Variants in BICD1 observed in about 807,000 individuals in gnomAD.
BICD1 encodes BICD cargo adaptor 1, also known as protein bicaudal D homolog 1.
In BICD1, 35 loss-of-function variants were observed where a neutral mutation model predicts 92.5. The ratio of observed to expected loss-of-function variants is 0.38; its 90% confidence interval spans 0.29 to 0.50. The LOEUF (loss-of-function observed/expected upper bound fraction) is 0.50, where lower values mean the gene tolerates loss of function less well. BICD1 is among the 20% of genes least tolerant of loss of function. The pLI is 0.93. For missense variants in BICD1, 950 were observed against 1,189.8 expected, an observed-to-expected ratio of 0.80 and a Z score of 2.97; for synonymous variants, 429 against 465.1, an observed-to-expected ratio of 0.92 and a Z score of 1.00.
intron 2 of BICD1, among the ~76,000 whole-genome samples, chr12:32,223,440 G>A (rs911156061): frequency 8.6e-5 from 13 of 151,322 alleles, no homozygotes; most frequent in African/African-American, 2.4e-4. Context: ...TCGCTTGAAC[G>A]TGAGAGGCAG....
intron 8 of BICD1, chr12:32,340,465 T>C (rs1309282822): frequency 1.0e-6 from 1 of 985,286 alleles, no homozygotes; most frequent in African/African-American, 1.7e-5. Flanking sequence ...GTCTTCTTTT[T>C]AGTGTTCCAA....
chr12:32,230,663 GAGA>G (rs1489941134), intron 2 of BICD1, among the ~76,000 whole-genome samples: 19 of 152,130 alleles, frequency 1.2e-4, no homozygotes, highest in Admixed American at 1.2e-3. Flanking sequence ...TTAGAGAGGA[GAGA>G]AGGAGAATGC....
intron 1 of BICD1, among the ~76,000 whole-genome samples, chr12:32,186,334 A>G (rs1392857585): frequency 6.6e-6 from 1 of 152,218 alleles, no homozygotes. Flanking sequence ...TATATGAGTG[A>G]AGAACTGATT....
chr12:32,228,845 C>T (rs1945785338), intron 2 of BICD1, among the ~76,000 whole-genome samples: 4 of 151,938 alleles, frequency 2.6e-5, no homozygotes, highest in South Asian at 4.1e-4. Context: ...AGTTCAGTTT[C>T]GAACATGTTA....
chr12:32,342,224 A>G lies in BICD1; in HGVS notation c.2764+3245A>G, dbSNP rs1246496091. ...TGTGTGTATATATATATATATATAT[A>G]TATATATATGTATAGTTTTGGGGGT... On this transcript the variant is annotated intron_variant, in intron 8 of 9. Coordinates refer to ENST00000652176, the MANE Select transcript of BICD1 (RefSeq NM_001714.4). Among the ~76,000 whole-genome samples, 227 of 142,970 alleles carry G rather than the reference A, an allele frequency of 1.6e-3. 2 individuals carry two copies. The East Asian group carries it at 0.022, about 14-fold the overall frequency. The allele number at this position is 142,970 out of a possible 152,430, so 93.8% of individuals were successfully genotyped here.
chr12:32,225,819 G>A (rs1218435341), intron 2 of BICD1, among the ~76,000 whole-genome samples: 2 of 151,432 alleles, frequency 1.3e-5, no homozygotes, highest in Non-Finnish European at 2.9e-5. Context: ...ACGAGGTTTC[G>A]CCATGTTGAC....
intron 2 of BICD1, among the ~76,000 whole-genome samples, chr12:32,221,405 C>G (rs190361346): frequency 6.6e-6 from 1 of 151,062 alleles, no homozygotes. Flanking sequence ...TTTTATAGGC[C>G]GGGCATGGTG....
chr12:32,296,770 G>T (rs1026797515), intron 3 of BICD1, among the ~76,000 whole-genome samples: 4 of 152,118 alleles, frequency 2.6e-5, no homozygotes, highest in Non-Finnish European at 5.9e-5. Context: ...GGACTCAGGA[G>T]GTTAATGAAG....
intron 2 of BICD1, among the ~76,000 whole-genome samples, chr12:32,278,918 T>C (rs1408039237): frequency 1.3e-5 from 2 of 152,164 alleles, no homozygotes; most frequent in Non-Finnish European, 2.9e-5. Context: ...GAGTGAACTT[T>C]AAATGATCAT....
At chr12:32,263,277 G>A (rs561990517) in intron 2 of BICD1, among the ~76,000 whole-genome samples, 4 of 152,172 alleles carry the variant, frequency 2.6e-5, no homozygotes, top group African/African-American at 9.7e-5. Context: ...GGCCAGGCAT[G>A]GTGGCTCACG....
At chr12:32,116,467 T>C (rs1252533639) in intron 1 of BICD1, among the ~76,000 whole-genome samples, 1 of 67,216 alleles carries the variant, frequency 1.5e-5, no homozygotes, top group South Asian at 5.4e-4. Flanking sequence ...TGTCTGTCTC[T>C]CTCTCTCTCT....
intron 1 of BICD1, among the ~76,000 whole-genome samples, chr12:32,197,236 T>C (rs1439124154): frequency 6.6e-6 from 1 of 152,152 alleles, no homozygotes; most frequent in Admixed American, 6.5e-5. Flanking sequence ...CTTGAACTCC[T>C]GACCTCAGGT....
intron 1 of BICD1, among the ~76,000 whole-genome samples, chr12:32,111,207 C>G (rs1941679055): frequency 6.6e-6 from 1 of 152,114 alleles, no homozygotes; most frequent in African/African-American, 2.4e-5. Context: ...TTTTGTCAAC[C>G]CTGACACCAA....
rs1182796155 is a variant in BICD1, at chr12:32,337,878, T to G, written c.2570+62T>G. On this transcript the variant is annotated intron_variant, in intron 7 of 9. Coordinates refer to ENST00000652176, the MANE Select transcript of BICD1 (RefSeq NM_001714.4). This position sits in a 1 kb window ranked among gnomAD's most constrained non-coding sequence, Gnocchi z 4.7. ...GCCAGATTTTAGTTAACTGCAAAAA[T>G]AAATGTGCTCTTGTTGTGGAGGATG... 1.3e-6 allele frequency: 2 copies of G among 1,552,080 alleles called. No individual in the cohort carries two copies. The highest frequency in any genetic ancestry group is 4.5e-5 in the East Asian group (2 of 44,186).
chr12:32,276,150 A>G (rs904226319), intron 2 of BICD1, among the ~76,000 whole-genome samples: 11 of 152,186 alleles, frequency 7.2e-5, no homozygotes, highest in Non-Finnish European at 1.6e-4. Context: ...CCCCAGATGC[A>G]GTCCATGACT....
At chr12:32,231,636 T>C (rs1945891655) in intron 2 of BICD1, among the ~76,000 whole-genome samples, 1 of 151,910 alleles carries the variant, frequency 6.6e-6, no homozygotes, top group Non-Finnish European at 1.5e-5. Flanking sequence ...ATGTGCACAT[T>C]GTGCAGATTA....
At chr12:32,111,636 C>T (rs1484942632) in intron 1 of BICD1, among the ~76,000 whole-genome samples, 1 of 151,788 alleles carries the variant, frequency 6.6e-6, no homozygotes, top group South Asian at 2.1e-4. Context: ...GAGATGGAGT[C>T]TCGCACTTTC....
At chr12:32,349,232 C>G (rs1391129930) in intron 8 of BICD1, among the ~76,000 whole-genome samples, 1 of 152,182 alleles carries the variant, frequency 6.6e-6, no homozygotes, top group African/African-American at 2.4e-5. Flanking sequence ...TGGCACCAGT[C>G]TATTATATTC....
intron 1 of BICD1, among the ~76,000 whole-genome samples, chr12:32,178,138 A>T (rs1042465905): frequency 6.6e-6 from 1 of 151,916 alleles, no homozygotes; most frequent in Non-Finnish European, 1.5e-5. Context: ...AGCTGTAATT[A>T]TATAAGATTT....
Sources: gnomAD v4.1 joint callset for allele counts (sites outside exome capture counted in the v4.1 genomes callset) on GRCh38, gnomAD v4.1.1 for gene constraint, Gnocchi (gnomAD v3.1) non-coding constraint, MANE v1.5 for transcripts, NCBI Gene and HGNC (gene_info 2026-07-23, HGNC 2026-07-21) for gene names.